The following PCMT1 variants were observed in gnomAD, a reference collection of about 807,000 sequenced individuals.
PCMT1 encodes the protein protein-L-isoaspartate(D-aspartate) O-methyltransferase.
In PCMT1, 9 loss-of-function variants were observed where a neutral mutation model predicts 29.2. The ratio of observed to expected loss-of-function variants is 0.31; its 90% CI spans 0.19 to 0.54. The LOEUF (loss-of-function observed/expected upper bound fraction) is 0.54. Among genes scored for constraint, PCMT1 ranks in the 20% least tolerant of loss-of-function variants. The pLI is 0.95. For synonymous variants in PCMT1, 98 were observed against 97.5 expected (o/e 1.00, Z -0.03); for missense variants, 184 against 282.2 (o/e 0.65, Z 2.49).
intron 1 of PCMT1, among the ~76,000 whole-genome samples, chr6:149,758,208 C>CTT (rs756014067): frequency 1.9e-4 from 14 of 73,908 alleles, no homozygotes; most frequent in Middle Eastern, 8.3e-3. Flanking sequence ...TTCTTTCTTT[C>CTT]TTTTTTTTTT....
At chr6:149,766,961 A>C (rs1787110000) in intron 1 of PCMT1, among the ~76,000 whole-genome samples, 1 of 152,182 alleles carries the variant, frequency 6.6e-6, no homozygotes, top group Non-Finnish European at 1.5e-5. Flanking sequence ...CTGTAATCCC[A>C]GCACTTTGGG....
rs200468839 is a variant in PCMT1, at chr6:149,763,278, CTA to C, written c.56-7882_56-7881del. Among the ~76,000 whole-genome samples, 63 of 68,642 alleles carry C rather than the reference CTA, an allele frequency of 9.2e-4. 25 individuals carry two copies. In the East Asian group the frequency reaches 0.063, roughly 69 times the overall value. The allele number at this position is 68,642 out of a possible 152,430, so 45.0% of individuals were successfully genotyped here. On this transcript the variant is annotated intron_variant, in intron 1 of 7. Coordinates refer to ENST00000464889, the MANE Select transcript of PCMT1 (RefSeq NM_001360452.2). ...TCTATGATATCTATGATATAAATAT[CTA>C]TGATATCTATGATATATATATCTAT...
At chr6:149,762,316 A>T (rs1702366726) in intron 1 of PCMT1, among the ~76,000 whole-genome samples, 1 of 151,580 alleles carries the variant, frequency 6.6e-6, no homozygotes, top group Non-Finnish European at 1.5e-5. Context: ...TAATCATTTA[A>T]TGAGGGTCTT....
At chr6:149,750,309 G>T (rs1318352327) in intron 1 of PCMT1, 1 of 296,956 alleles carries the variant, frequency 3.4e-6, no homozygotes, top group Non-Finnish European at 6.3e-6. Flanking sequence ...CCTTCGGGGT[G>T]GGAGCGTGTG....
At chr6:149,776,435 A>G (rs917386616) in intron 3 of PCMT1, among the ~76,000 whole-genome samples, 3 of 151,938 alleles carry the variant, frequency 2.0e-5, no homozygotes, top group East Asian at 3.9e-4. Flanking sequence ...TATTTTTAGT[A>G]GAGATGGGGT....
At chr6:149,771,574 TG>T (rs1250866737) in intron 2 of PCMT1, among the ~76,000 whole-genome samples, 1 of 152,250 alleles carries the variant, frequency 6.6e-6, no homozygotes, top group Middle Eastern at 3.2e-3. Context: ...TGGATTGCAG[TG>T]GCACAATATC....
Position 149,778,019 on chromosome 6 carries a change from G to C in PCMT1, c.192+4850G>C, listed in dbSNP as rs150376920. Reference sequence around the variant, plus strand: ...AGCCTCTCAGATAGCTGGGATTACAGATATACACCACCAAGCCTGGCTAAT... The same window carrying C: ...AGCCTCTCAGATAGCTGGGATTACACATATACACCACCAAGCCTGGCTAAT... On this transcript the variant is annotated intron_variant, in intron 3 of 7. Coordinates refer to ENST00000464889, the MANE Select transcript of PCMT1 (RefSeq NM_001360452.2). 7.7e-4 allele frequency among the ~76,000 whole-genome samples: 116 copies of C among 150,664 alleles called. 1 individual carries two copies. The highest frequency in any genetic ancestry group is 2.7e-3 in the African/African-American group (111 of 41,106).
chr6:149,796,711 A>G (rs982992720), intron 6 of PCMT1: 1 of 430,650 alleles, frequency 2.3e-6, no homozygotes, highest in African/African-American at 2.0e-5. Flanking sequence ...TGTGGCGCTC[A>G]TATTTGATCC....
At chr6:149,767,287 C>T (rs1787128644) in intron 1 of PCMT1, among the ~76,000 whole-genome samples, 1 of 149,670 alleles carries the variant, frequency 6.7e-6, no homozygotes. Flanking sequence ...CTCTTCAACT[C>T]AGGCTCAAGT....
intron 7 of PCMT1, among the ~76,000 whole-genome samples, chr6:149,803,608 A>G (rs1185496175): frequency 1.3e-5 from 2 of 152,092 alleles, no homozygotes; most frequent in Non-Finnish European, 2.9e-5. Context: ...AAATGCCAAA[A>G]CAAGAACGGC....
chr6:149,796,482 C>A lies in PCMT1; in HGVS notation c.486C>A (p.Ala162=), dbSNP rs1349924731. 6.2e-7 allele frequency: 1 copy of A among 1,612,576 alleles called. No homozygotes were observed. The highest frequency in any genetic ancestry group is 8.5e-7 in the Non-Finnish European group (1 of 1,179,112). Residue 162 remains alanine, a synonymous_variant, in exon 6 of 8, where the codon GCC becomes GCA. Coordinates refer to ENST00000464889, the MANE Select transcript of PCMT1 (RefSeq NM_001360452.2). ...ATGCCATTCATGTGGGAGCTGCAGC[C>A]CCTGTTGTACCCCAGGCGGTGAGTC... ...PYDAIHVGAA[A]PVVPQALIDQ... is the part of the protein sequence containing the mutation.
rs1554251094 is a variant in PCMT1, at chr6:149,758,208, C to CTTTCTTTTT, written c.55+8255_55+8256insCTTTTTTTT. 7.3e-4 allele frequency among the ~76,000 whole-genome samples: 54 copies of CTTTCTTTTT among 73,904 alleles called. 2 individuals are homozygous for CTTTCTTTTT. Among genetic ancestry groups the CTTTCTTTTT allele is most frequent in the East Asian group, 2.0e-3 (2 of 1,002 alleles). The allele number at this position is 73,904 out of a possible 152,430, so 48.5% of individuals were successfully genotyped here. A position where few individuals can be genotyped will look rare whatever the true frequency, so the allele number is the denominator to read the frequency against. On this transcript the variant is annotated intron_variant, in intron 1 of 7. Coordinates refer to ENST00000464889, the MANE Select transcript of PCMT1 (RefSeq NM_001360452.2). ...CAATTTTTTTTTTCTTTCTTTCTTTCTTTTTTTTTTTTTTTTTTCTGAGAC... is the reference window on the plus strand; with the variant it reads ...CAATTTTTTTTTTCTTTCTTTCTTTCTTTCTTTTTTTTTTTTTTTTTTTTTTTCTGAGAC...
rs1786793611 is a variant in PCMT1 at position 149,762,547 on chromosome 6, T to TC, written c.56-8615_56-8614insC. Reference sequence around the variant, plus strand: ...TATATATCTATGATATATATATCTATGATATATATATATCTATGATATATA... The same window carrying TC: ...TATATATCTATGATATATATATCTATCGATATATATATATCTATGATATATA... On this transcript the variant is annotated intron_variant, in intron 1 of 7. Coordinates refer to ENST00000464889, the MANE Select transcript of PCMT1 (RefSeq NM_001360452.2). Among the ~76,000 whole-genome samples, 3 of 7,202 alleles carry TC rather than the reference T, an allele frequency of 4.2e-4. 1 individual carries two copies. The Admixed American group carries it at 8.0e-3, about 19-fold the overall frequency. 4.7% of individuals were successfully genotyped at this position (7,202 alleles called of 152,430 possible).
Position 149,802,431 on chromosome 6 carries a change from A to G in PCMT1, c.*37+15A>G. The G allele has an allele frequency of 1.3e-6, 2 of 1,520,870 alleles. No homozygotes were observed. The highest frequency in any genetic ancestry group is 1.4e-5 in the African/African-American group (1 of 72,432). 94.2% of individuals were successfully genotyped at this position (1,520,870 alleles called of 1,614,324 possible). A position where few individuals can be genotyped will look rare whatever the true frequency, so the allele number is the denominator to read the frequency against. On this transcript the variant is annotated intron_variant, in intron 7 of 7. Transcript: ENST00000464889. ...ACACATGCAAGGTGAAAGGGTGTGGATTTTAAGACATTAGACTACAAGAGC... is the reference window on the plus strand; with the variant it reads ...ACACATGCAAGGTGAAAGGGTGTGGGTTTTAAGACATTAGACTACAAGAGC...
At chr6:149,790,229 C>T (rs116323188) in intron 4 of PCMT1, among the ~76,000 whole-genome samples, 171 bp downstream of exon 4, 1 of 152,194 alleles carries the variant, frequency 6.6e-6, no homozygotes, top group East Asian at 1.9e-4. Flanking sequence ...ACAGAACATG[C>T]AACCCAAACT....
chr6:149,760,290 T>C (rs1019432283), intron 1 of PCMT1, among the ~76,000 whole-genome samples: 12 of 152,196 alleles, frequency 7.9e-5, no homozygotes, highest in Non-Finnish European at 1.8e-4. Flanking sequence ...CCTCTTCATA[T>C]GCCTTGTGCA....
At chr6:149,772,909 C>T (rs1293340130) in intron 2 of PCMT1, among the ~76,000 whole-genome samples, 3 of 150,124 alleles carry the variant, frequency 2.0e-5, no homozygotes, top group South Asian at 2.1e-4. Context: ...CCCAGCTACT[C>T]GGGAGGCTGA....
chr6:149,756,140 G>C (rs1786494094), intron 1 of PCMT1, among the ~76,000 whole-genome samples: 1 of 152,170 alleles, frequency 6.6e-6, no homozygotes, highest in South Asian at 2.1e-4. Context: ...GGAGGGGACT[G>C]TGGGAGATCA....
At chr6:149,771,322 T>G in intron 2 of PCMT1, 56 bp downstream of exon 2, 4 of 1,132,136 alleles carry the variant, frequency 3.5e-6, no homozygotes, top group Non-Finnish European at 5.2e-6. Context: ...TTATGATTTT[T>G]GGAAGTAGAA....
Sources: allele counts gnomAD v4.1 joint callset (sites outside exome capture counted in the v4.1 genomes callset), GRCh38; gene constraint gnomAD v4.1.1; transcripts MANE v1.5; gene names NCBI Gene and HGNC (gene_info 2026-07-23, HGNC 2026-07-21).